The following ZNF362 variants were observed in gnomAD, a reference collection of about 807,000 sequenced individuals.
ZNF362 encodes zinc finger protein 362.
In ZNF362, 11 loss-of-function variants were observed where a neutral mutation model predicts 42.9. The ratio of observed to expected loss-of-function variants is 0.26; its 90% CI spans 0.16 to 0.42. The LOEUF (loss-of-function observed/expected upper bound fraction) is 0.42. ZNF362 is among the 20% of genes least tolerant of loss of function. ZNF362 has a pLI of 1.00. For synonymous variants in ZNF362, 255 were observed against 257.3 expected (o/e 0.99, Z 0.09); for missense variants, 362 against 576.2 (o/e 0.63, Z 3.81).
rs1646161809 is a variant in ZNF362 at position 33,300,672 on chromosome 1, G to A, written c.*1626G>A. The A allele has an allele frequency of 6.6e-6, 1 of 152,102 alleles. No homozygotes were observed. The highest frequency in any genetic ancestry group is 2.4e-5 in the African/African-American group (1 of 41,408). 9.4% of individuals were successfully genotyped at this position (152,102 alleles called of 1,614,324 possible). A position where few individuals can be genotyped will look rare whatever the true frequency, so the allele number is the denominator to read the frequency against. On this transcript the variant is annotated 3_prime_UTR_variant, in exon 9 of 9. Coordinates refer to ENST00000539719, the MANE Select transcript of ZNF362 (RefSeq NM_152493.3). ...GAAACAAAGGAATTACAAACCCTCT[G>A]CTCTTTGTATTTCTCTGTTGTGAAG...
the ZNF362 span, among the ~76,000 whole-genome samples, chr1:33,235,319 A>T: frequency 2.6e-5 from 4 of 151,828 alleles, no homozygotes. Context: ...ACTCCTGGCC[A>T]GACACATGAT....
chr1:33,250,087 C>T, the ZNF362 span, among the ~76,000 whole-genome samples: 2 of 152,136 alleles, frequency 1.3e-5, no homozygotes, highest in Admixed American at 1.3e-4. Flanking sequence ...TTCATTTATT[C>T]TCTTGGCAAA....
chr1:33,165,393 C>G, the ZNF362 span: 5 of 1,355,312 alleles, frequency 3.7e-6, no homozygotes, highest in Admixed American at 8.9e-5. The surrounding 1 kb of genome is among the most constrained non-coding windows in gnomAD (Gnocchi z 4.0). Context: ...CCCCGCCCCT[C>G]TTCCCCAGCT....
intron 4 of ZNF362, among the ~76,000 whole-genome samples, chr1:33,277,726 C>T (rs902804223): frequency 9.2e-5 from 14 of 152,128 alleles, no homozygotes; most frequent in Non-Finnish European, 1.9e-4. Context: ...GAGGGAGACT[C>T]CCAGGGCACC....
rs1389392453 is a variant in ZNF362 at position 33,276,427 on chromosome 1, C to T, written c.182C>T (p.Thr61Met). 5.1e-6 allele frequency: 8 copies of T among 1,581,098 alleles called. No individual in the cohort carries two copies. Among genetic ancestry groups the T allele is most frequent in the East Asian group, 2.3e-5 (1 of 42,850 alleles). ...EKIRPPHLPP[T>M]SASSQQPLLV... The stretch of plus-strand genomic sequence containing the variant: ...ATCAGGCCGCCTCACCTGCCGCCCA[C>T]GTCGGCCTCGTCGCAGCAGCCGTTG... Residue 61 changes from threonine to methionine, a missense_variant, in exon 4 of 9, where the codon ACG (threonine) becomes ATG (methionine). This residue lies in a region of ZNF362 where 266 missense variants were observed against 365.4 expected (regional missense o/e 0.73). Transcript: ENST00000539719.
At chr1:33,218,260 G>A in the ZNF362 span, among the ~76,000 whole-genome samples, 1 of 152,066 alleles carries the variant, frequency 6.6e-6, no homozygotes, top group African/African-American at 2.4e-5. Flanking sequence ...GGGCAACATA[G>A]GGAGATACTG....
intron 1 of ZNF362, among the ~76,000 whole-genome samples, chr1:33,264,476 C>G (rs1645851580): frequency 6.6e-6 from 1 of 152,196 alleles, no homozygotes; most frequent in Non-Finnish European, 1.5e-5. Context: ...TATTAGCTAA[C>G]TTAGTCCTCA....
chr1:33,254,362 C>A (rs1303016037), upstream of ZNF362, among the ~76,000 whole-genome samples: 1 of 152,112 alleles, frequency 6.6e-6, no homozygotes, highest in African/African-American at 2.4e-5. Flanking sequence ...ACCTGGTGAT[C>A]CTCCCGCCTC....
At chr1:33,275,432 CCA>C in intron 2 of ZNF362, 1 of 975,646 alleles carries the variant, frequency 1.0e-6, no homozygotes, top group Non-Finnish European at 1.2e-6. Flanking sequence ...GCATTCTCAT[CCA>C]CGTCGTTGTA....
chr1:33,204,168 A>G, the ZNF362 span, among the ~76,000 whole-genome samples: 1 of 152,238 alleles, frequency 6.6e-6, no homozygotes, highest in South Asian at 2.1e-4. Flanking sequence ...ATAAGAGTCC[A>G]GTTTCCACAT....
the ZNF362 span, among the ~76,000 whole-genome samples, chr1:33,179,026 T>A: frequency 2.6e-5 from 4 of 152,338 alleles, no homozygotes; most frequent in Middle Eastern, 3.4e-3. Context: ...TAGCCCTGGC[T>A]CTCTCACTGT....
chr1:33,267,805 C>T (rs1260223195), intron 1 of ZNF362, among the ~76,000 whole-genome samples: 1 of 152,152 alleles, frequency 6.6e-6, no homozygotes, highest in East Asian at 1.9e-4. Flanking sequence ...TGTAAAAAAC[C>T]ACTGACGCAA....
At chr1:33,250,061 CTCAT>C in the ZNF362 span, among the ~76,000 whole-genome samples, 29 of 152,118 alleles carry the variant, frequency 1.9e-4, no homozygotes, top group Non-Finnish European at 3.5e-4. Context: ...CAGTCATGTG[CTCAT>C]TCATTCATTC....
chr1:33,250,613 G>C, the ZNF362 span, among the ~76,000 whole-genome samples: 10 of 152,112 alleles, frequency 6.6e-5, no homozygotes, highest in African/African-American at 2.4e-4. Flanking sequence ...GAGAGCATCA[G>C]GAAGAAGAGC....
chr1:33,248,652 C>T, the ZNF362 span, among the ~76,000 whole-genome samples: 7 of 152,172 alleles, frequency 4.6e-5, no homozygotes, highest in Admixed American at 3.9e-4. Context: ...CCAGTTTTCT[C>T]CTCCCGGCAC....
the ZNF362 span, among the ~76,000 whole-genome samples, chr1:33,232,192 A>G: frequency 6.6e-6 from 1 of 152,206 alleles, no homozygotes; most frequent in Non-Finnish European, 1.5e-5. Flanking sequence ...ATACTGGTCA[A>G]TGGGACCTAA....
chr1:33,204,764 A>G, the ZNF362 span, among the ~76,000 whole-genome samples: 3 of 152,308 alleles, frequency 2.0e-5, no homozygotes, highest in East Asian at 5.8e-4. Flanking sequence ...ATTCATCGTT[A>G]CTGTACTAGG....
the ZNF362 span, among the ~76,000 whole-genome samples, chr1:33,223,235 G>A: frequency 6.6e-6 from 1 of 152,100 alleles, no homozygotes; most frequent in Non-Finnish European, 1.5e-5. Context: ...TGGTGATAGA[G>A]CAAGATTCTG....
At chr1:33,147,835 GACCTGCTGTGTGACCTTGAATACAAGT>G in the ZNF362 span, 5 of 1,240,152 alleles carry the variant, frequency 4.0e-6, no homozygotes, top group Non-Finnish European at 4.5e-6. This position sits in a 1 kb window ranked among gnomAD's most constrained non-coding sequence, Gnocchi z 8.1. Flanking sequence ...GGAGGCCTCT[GACCTGCTGTGTGACCTTGAATACAAGT>G]CTGCCCTCTC....
Sources: gnomAD v4.1 joint callset for allele counts (sites outside exome capture counted in the v4.1 genomes callset) on GRCh38, gnomAD v4.1.1 for gene constraint, gnomAD v4.1.1 regional missense constraint, Gnocchi (gnomAD v3.1) non-coding constraint, MANE v1.5 for transcripts, NCBI Gene and HGNC (gene_info 2026-07-23, HGNC 2026-07-21) for gene names.